The following RDX variants were observed in gnomAD, a reference collection of about 807,000 sequenced individuals.
RDX encodes the protein radixin, also known as deafness, autosomal recessive 24.
Under a neutral mutation model 83.7 loss-of-function variants are expected in RDX, and 32 were observed. The ratio of observed to expected loss-of-function variants is 0.38; its 90% CI spans 0.29 to 0.51. RDX has a LOEUF of 0.51. Ranked by LOEUF, RDX falls within the 20% of genes least tolerant of loss-of-function variation. RDX has a pLI of 0.87. For synonymous variants in RDX, 229 were observed against 222.7 expected, an observed-to-expected ratio of 1.03 and a Z score of -0.25; for missense variants, 600 against 689.9, an observed-to-expected ratio of 0.87 and a Z score of 1.46.
chr11:110,289,236 C>G (rs1861115019), intron 1 of RDX, among the ~76,000 whole-genome samples: 1 of 118,816 alleles, frequency 8.4e-6, no homozygotes, highest in Non-Finnish European at 1.7e-5. Flanking sequence ...AAAACTCTAT[C>G]TCAAAAAAAA....
chr11:110,235,972 T>C (rs1458745596), intron 12 of RDX, 127 bp downstream of exon 12: 3 of 717,616 alleles, frequency 4.2e-6, no homozygotes, highest in African/African-American at 1.8e-5. Flanking sequence ...ATATTTACAA[T>C]ACACATAACA....
In RDX at chr11:110,233,453, T is replaced by G; in HGVS notation, c.1371A>C (p.Glu457Asp). The G allele has an allele frequency of 6.2e-7, 1 of 1,614,136 alleles. No individual in the cohort carries two copies. Among genetic ancestry groups the G allele is most frequent in the South Asian group, 1.1e-5 (1 of 91,070 alleles). The change falls in exon 13 of 14, where the codon GAA becomes GAC. Residue 457 changes from glutamate (E) to aspartate (D), a missense_variant. Glu to Asp is a conservative substitution (Grantham distance 45, BLOSUM62 2). Transcript: ENST00000645495. The part of the protein sequence containing the change: ...HKAFAAQEDL[E>D]KTKEELKTVM... ...CAGTTTTTAACTCTTCTTTGGTCTT[T>G]TCCAAGTCTTCCTGGGCTGCAAAAG...
intron 10 of RDX, among the ~76,000 whole-genome samples, chr11:110,247,402 T>C (rs928069610): frequency 6.6e-6 from 1 of 152,202 alleles, no homozygotes; most frequent in Non-Finnish European, 1.5e-5. Flanking sequence ...TTTTTGTTTA[T>C]AAAGCCCATA....
At chr11:110,197,173 T>C (rs1424003080) in intron 15 of RDX, among the ~76,000 whole-genome samples, 1 of 152,332 alleles carries the variant, frequency 6.6e-6, no homozygotes, top group East Asian at 1.9e-4. Context: ...GTGCTGGGAT[T>C]ACAGGCACGA....
chr11:110,247,527 T>C (rs941155525), intron 10 of RDX, among the ~76,000 whole-genome samples, 176 bp downstream of exon 10: 1 of 152,178 alleles, frequency 6.6e-6, no homozygotes, highest in Non-Finnish European at 1.5e-5. Context: ...ACTGTATAAA[T>C]GAATGTGCCT....
At chr11:110,269,342 A>T (rs1297384908) in intron 3 of RDX, among the ~76,000 whole-genome samples, 1 of 152,144 alleles carries the variant, frequency 6.6e-6, no homozygotes, top group Non-Finnish European at 1.5e-5. Flanking sequence ...TGGGGGTATG[A>T]ACACTCTTTA....
chr11:110,288,385 C>G (rs1043357933), intron 1 of RDX: 3 of 152,122 alleles, frequency 2.0e-5, no homozygotes, highest in African/African-American at 2.4e-5. Context: ...TTATTAAATA[C>G]TAAAAGGTAA....
chr11:110,191,812 T>C (rs1447134670), intron 15 of RDX, among the ~76,000 whole-genome samples: 1 of 152,124 alleles, frequency 6.6e-6, no homozygotes, highest in African/African-American at 2.4e-5. Flanking sequence ...GCCGAGATCA[T>C]GCCACTGTAC....
At chr11:110,237,307 T>C (rs1209049263) in intron 11 of RDX, among the ~76,000 whole-genome samples, 185 bp downstream of exon 11, 1 of 152,088 alleles carries the variant, frequency 6.6e-6, no homozygotes, top group African/African-American at 2.4e-5. Flanking sequence ...TTTTGTATTT[T>C]TAGGTTTTTG....
chr11:110,180,083 G>A (rs947803647), intron 15 of RDX, among the ~76,000 whole-genome samples: 2 of 151,810 alleles, frequency 1.3e-5, no homozygotes, highest in African/African-American at 4.8e-5. Context: ...TGTATTTTTA[G>A]TAGTGAAGGG....
chr11:110,284,061 C>T (rs777259622), intron 1 of RDX, among the ~76,000 whole-genome samples: 4 of 152,134 alleles, frequency 2.6e-5, no homozygotes, highest in African/African-American at 7.2e-5. Context: ...CAATGATATA[C>T]TCATTAAACT....
chr11:110,213,260 T>C (rs1236902817), intron 14 of RDX, among the ~76,000 whole-genome samples: 29 of 141,760 alleles, frequency 2.0e-4, no homozygotes, highest in African/African-American at 7.8e-4. Flanking sequence ...GAAAATAAAA[T>C]ACCTAGGAAT....
At chr11:110,189,243 T>TAAAAAAAAAAAAAAAAAAAAAAAACA (rs1863053867) in intron 15 of RDX, among the ~76,000 whole-genome samples, 1 of 35,590 alleles carries the variant, frequency 2.8e-5, no homozygotes, top group African/African-American at 7.8e-5. Context: ...GAACAACAGG[T>TAAAAAAAAAAAAAAAAAAAAAAAACA]AAAAAAAAAA....
chr11:110,177,774 G>A (rs932250766), intron 15 of RDX, among the ~76,000 whole-genome samples: 3 of 151,932 alleles, frequency 2.0e-5, no homozygotes, highest in African/African-American at 4.8e-5. Flanking sequence ...ATGAGACACC[G>A]CATCCGGCCT....
intron 5 of RDX, 55 bp downstream of exon 5, chr11:110,263,905 A>G: frequency 6.8e-7 from 1 of 1,474,264 alleles, no homozygotes; most frequent in African/African-American, 1.4e-5. Context: ...TTTTATTTAT[A>G]GACTTCTAGA....
intron 1 of RDX, among the ~76,000 whole-genome samples, chr11:110,289,971 A>AAAAAAAC (rs1861160266): frequency 6.8e-6 from 1 of 148,084 alleles, no homozygotes; most frequent in Non-Finnish European, 1.5e-5. Flanking sequence ...AAAAAAAAAA[A>AAAAAAAC]AAAAAAAAAA....
At chr11:110,191,070 A>T (rs555958655) in intron 15 of RDX, among the ~76,000 whole-genome samples, 1 of 152,210 alleles carries the variant, frequency 6.6e-6, no homozygotes, top group South Asian at 2.1e-4. Flanking sequence ...AGGAAGAGGG[A>T]ATCCCCCCTA....
At chr11:110,248,475 T>A (rs1399466611) in intron 9 of RDX, among the ~76,000 whole-genome samples, 1 of 152,182 alleles carries the variant, frequency 6.6e-6, no homozygotes, top group Non-Finnish European at 1.5e-5. Context: ...AGACTATTTT[T>A]AAAAAATATT....
intron 15 of RDX, among the ~76,000 whole-genome samples, chr11:110,198,987 G>C (rs960072978): frequency 1.3e-5 from 2 of 151,684 alleles, no homozygotes; most frequent in Non-Finnish European, 2.9e-5. Context: ...AATTTTTTTT[G>C]TATTTTTAGT....
Sources: allele counts gnomAD v4.1 joint callset (sites outside exome capture counted in the v4.1 genomes callset), GRCh38; gene constraint gnomAD v4.1.1; transcripts MANE v1.5; gene names NCBI Gene and HGNC (gene_info 2026-07-23, HGNC 2026-07-21).